NUDCD3: variants seen among roughly 807,000 people sequenced by gnomAD.
The protein encoded by NUDCD3 is NudC domain containing 3, also known as nudC domain-containing protein 3.
A neutral mutation model predicts 39.7 loss-of-function variants in NUDCD3; 13 were observed. The ratio of observed to expected loss-of-function variants is 0.33; its 90% CI spans 0.21 to 0.52. NUDCD3 has a LOEUF of 0.52. Ranked by LOEUF, NUDCD3 falls within the 20% of genes least tolerant of loss-of-function variation. NUDCD3 has a pLI of 0.96. For synonymous variants in NUDCD3, 175 were observed against 172.4 expected (o/e 1.02, Z -0.12); for missense variants, 453 against 458.1 (o/e 0.99, Z 0.10).
chr7:44,441,629 C>T (rs1298193830), intron 2 of NUDCD3, among the ~76,000 whole-genome samples: 1 of 152,184 alleles, frequency 6.6e-6, no homozygotes, highest in Non-Finnish European at 1.5e-5. Context: ...ACTTGGATCC[C>T]AGGCTTCAGG....
At chr7:44,469,126 A>C (rs1024926282) in intron 2 of NUDCD3, among the ~76,000 whole-genome samples, 1 of 148,396 alleles carries the variant, frequency 6.7e-6, no homozygotes, top group African/African-American at 2.5e-5. Flanking sequence ...AAAAAAAAAA[A>C]AAAAAAAAAA....
chr7:44,477,093 A>G (rs1800387261), intron 2 of NUDCD3, among the ~76,000 whole-genome samples: 1 of 152,158 alleles, frequency 6.6e-6, no homozygotes, highest in Admixed American at 6.5e-5. Context: ...AAAGCAAGAG[A>G]AAGTACTGAA....
intron 2 of NUDCD3, among the ~76,000 whole-genome samples, chr7:44,457,949 T>A (rs1263131458): frequency 6.6e-6 from 1 of 152,190 alleles, no homozygotes; most frequent in Non-Finnish European, 1.5e-5. Context: ...AAACATACAG[T>A]TTAACAGGAC....
intron 3 of NUDCD3, among the ~76,000 whole-genome samples, chr7:44,409,748 G>A (rs887306926): frequency 6.6e-6 from 1 of 151,970 alleles, no homozygotes; most frequent in South Asian, 2.1e-4. Flanking sequence ...AATTACTAAA[G>A]GAAAGTATGG....
At chr7:44,448,655 C>T (rs1262468442) in intron 2 of NUDCD3, among the ~76,000 whole-genome samples, 1 of 152,096 alleles carries the variant, frequency 6.6e-6, no homozygotes, top group East Asian at 1.9e-4. Flanking sequence ...CTTCCTGAGT[C>T]GCTGTTCTGC....
chr7:44,452,943 T>A (rs1030788512), intron 2 of NUDCD3, among the ~76,000 whole-genome samples: 1 of 152,238 alleles, frequency 6.6e-6, no homozygotes, highest in African/African-American at 2.4e-5. Context: ...TGAGGAAAAG[T>A]CAGCATTGGA....
rs555745781 is a variant in NUDCD3 at position 44,385,599 on chromosome 7, G to T, written c.*412C>A. On this transcript the variant is annotated 3_prime_UTR_variant, in exon 6 of 6. Coordinates refer to ENST00000355451, the MANE Select transcript of NUDCD3 (RefSeq NM_015332.4). ...CACACACTTCAATGACTTCAGCTTC[G>T]CCTGAGAGTCCAGCAACAACTCCAC... 1.1e-5 allele frequency: 2 copies of T among 182,500 alleles called. No homozygotes were observed. Among genetic ancestry groups the T allele is most frequent in the African/African-American group, 2.4e-5 (1 of 42,198 alleles). 11.3% of individuals were successfully genotyped at this position (182,500 alleles called of 1,614,324 possible).
intron 1 of NUDCD3, 197 bp from the exon 2 acceptor site, chr7:44,485,481 A>G (rs536705265): frequency 5.6e-6 from 3 of 539,800 alleles, no homozygotes; most frequent in South Asian, 2.9e-5. Context: ...AGGATTCCAA[A>G]ATCAACAAAA....
At chr7:44,437,323 C>A (rs1384417849) in intron 2 of NUDCD3, among the ~76,000 whole-genome samples, 2 of 152,176 alleles carry the variant, frequency 1.3e-5, no homozygotes, top group Non-Finnish European at 2.9e-5. Flanking sequence ...CCGCCTTGGC[C>A]TCCCAAAGTG....
chr7:44,445,422 C>G (rs1327302372), intron 2 of NUDCD3, among the ~76,000 whole-genome samples: 1 of 152,198 alleles, frequency 6.6e-6, no homozygotes, highest in Admixed American at 6.5e-5. Context: ...TCACTCCCTT[C>G]CCCTAGGAAC....
At chr7:44,399,442 C>T (rs1221924554) in intron 4 of NUDCD3, among the ~76,000 whole-genome samples, 3 of 152,222 alleles carry the variant, frequency 2.0e-5, no homozygotes, top group African/African-American at 7.2e-5. Flanking sequence ...GTAGTTCCCA[C>T]TCTGAGTTTA....
At chr7:44,488,142 C>A (rs1212780972) in intron 1 of NUDCD3, among the ~76,000 whole-genome samples, 1 of 151,802 alleles carries the variant, frequency 6.6e-6, no homozygotes, top group African/African-American at 2.4e-5. Flanking sequence ...TGAGACCAGT[C>A]TCGCCAACAT....
intron 3 of NUDCD3, among the ~76,000 whole-genome samples, chr7:44,417,514 A>C (rs1585065408): frequency 1.3e-5 from 2 of 152,358 alleles, no homozygotes; most frequent in African/African-American, 4.8e-5. Flanking sequence ...CTTTCAGAGA[A>C]AGCCCCAGGG....
At chr7:44,386,710 C>T (rs1798408926) in intron 5 of NUDCD3, among the ~76,000 whole-genome samples, 1 of 152,184 alleles carries the variant, frequency 6.6e-6, no homozygotes, top group Admixed American at 6.5e-5. Context: ...TCAGGAATTC[C>T]CCACTGCATC....
At chr7:44,404,964 G>A (rs749710956) in intron 3 of NUDCD3, among the ~76,000 whole-genome samples, 10 of 152,122 alleles carry the variant, frequency 6.6e-5, no homozygotes, top group Non-Finnish European at 1.0e-4. Flanking sequence ...CCTGGGAGAC[G>A]CAGGAGCCCA....
intron 2 of NUDCD3, among the ~76,000 whole-genome samples, chr7:44,433,898 C>T (rs1197160205): frequency 6.6e-6 from 1 of 152,152 alleles, no homozygotes; most frequent in Non-Finnish European, 1.5e-5. Context: ...CTCCTTCCTC[C>T]CTTTTTCCTC....
At chr7:44,450,475 G>A (rs1482769845) in intron 2 of NUDCD3, among the ~76,000 whole-genome samples, 3 of 151,820 alleles carry the variant, frequency 2.0e-5, no homozygotes, top group Non-Finnish European at 4.4e-5. Flanking sequence ...ACTGCGCCCG[G>A]CCAAGAAATG....
chr7:44,415,695 T>C (rs1799007443), intron 3 of NUDCD3, among the ~76,000 whole-genome samples: 1 of 152,206 alleles, frequency 6.6e-6, no homozygotes, highest in Non-Finnish European at 1.5e-5. Context: ...AAGCTACAGC[T>C]GGAGAGTAGA....
intron 2 of NUDCD3, among the ~76,000 whole-genome samples, chr7:44,445,524 C>T (rs1475341583): frequency 6.6e-6 from 1 of 152,224 alleles, no homozygotes; most frequent in African/African-American, 2.4e-5. Flanking sequence ...CTGCTGACCT[C>T]CAATGTCATC....
Sources: gnomAD v4.1 joint callset for allele counts (sites outside exome capture counted in the v4.1 genomes callset) on GRCh38, gnomAD v4.1.1 for gene constraint, MANE v1.5 for transcripts, NCBI Gene and HGNC (gene_info 2026-07-23, HGNC 2026-07-21) for gene names.